The following ELOVL7 variants were observed in gnomAD, a reference collection of about 807,000 sequenced individuals.
ELOVL7 encodes the protein ELOVL fatty acid elongase 7.
A neutral mutation model predicts 35.7 loss-of-function variants in ELOVL7; 27 were observed. The ratio of observed to expected loss-of-function variants is 0.76; its 90% CI spans 0.56 to 1.04. ELOVL7 has a LOEUF of 1.04. ELOVL7 is among the 50% of genes least tolerant of loss of function. The pLI, the probability that ELOVL7 is intolerant of heterozygous loss-of-function variation, is 0.00. For missense variants in ELOVL7, 327 were observed against 340.8 expected (o/e 0.96, Z 0.32); for synonymous variants, 113 against 114.6 (o/e 0.99, Z 0.09).
chr5:60,797,731 A>G (rs1034721663), intron 2 of ELOVL7, among the ~76,000 whole-genome samples: 1 of 152,232 alleles, frequency 6.6e-6, no homozygotes, highest in African/African-American at 2.4e-5. Flanking sequence ...CTTTTGCTCC[A>G]GTCTGGTGCA....
intron 5 of ELOVL7, among the ~76,000 whole-genome samples, chr5:60,767,385 C>T (rs1456792289): frequency 2.6e-5 from 4 of 152,308 alleles, no homozygotes; most frequent in South Asian, 4.1e-4. Flanking sequence ...TAAGCCACTG[C>T]ACCTGGCCTT....
intron 1 of ELOVL7, among the ~76,000 whole-genome samples, chr5:60,830,291 AACAG>A (rs1746405355): frequency 6.6e-6 from 1 of 152,272 alleles, no homozygotes; most frequent in Non-Finnish European, 1.5e-5. Flanking sequence ...CAAGTAAACA[AACAG>A]ACAAACATAA....
At chr5:60,823,626 G>A (rs1229068459) in intron 1 of ELOVL7, among the ~76,000 whole-genome samples, 5 of 152,172 alleles carry the variant, frequency 3.3e-5, no homozygotes, top group African/African-American at 1.2e-4. Flanking sequence ...TTTATAAAAC[G>A]GAGTTAGGTA....
At chr5:60,812,235 T>A (rs565845188) in intron 1 of ELOVL7, among the ~76,000 whole-genome samples, 25 of 152,056 alleles carry the variant, frequency 1.6e-4, no homozygotes, top group Non-Finnish European at 2.8e-4. Context: ...ATAAATAAAT[T>A]AATTAAATAA....
chr5:60,757,617 T>C lies in ELOVL7; in HGVS notation c.528A>G (p.Leu176=), dbSNP rs570014111. 6.2e-7 allele frequency: 1 copy of C among 1,607,522 alleles called. No individual in the cohort carries two copies. The highest frequency in any genetic ancestry group is 1.3e-5 in the African/African-American group (1 of 74,992). ...ACATGACTACATGTACAGCTGTATTTAGAAGGGCATGGAATGTTCCCAAAC... is the reference window on the plus strand; with the variant it reads ...ACATGACTACATGTACAGCTGTATTCAGAAGGGCATGGAATGTTCCCAAAC... ...AGGLGTFHAL[L]NTAVHVVMYS... is the part of the protein sequence containing the mutation. Residue 176 remains leucine, a synonymous_variant, in exon 8 of 9, where the codon CTA becomes CTG. Transcript: ENST00000508821.
chr5:60,823,157 A>C (rs1347554409), intron 1 of ELOVL7, among the ~76,000 whole-genome samples: 1 of 152,130 alleles, frequency 6.6e-6, no homozygotes, highest in Non-Finnish European at 1.5e-5. Context: ...AGAAACAAGA[A>C]GGAACAACCC....
chr5:60,792,441 G>C (rs1743995249), intron 2 of ELOVL7, among the ~76,000 whole-genome samples: 1 of 152,184 alleles, frequency 6.6e-6, no homozygotes, highest in Admixed American at 6.5e-5. Context: ...GGACTGACTG[G>C]TTTAGAAAAC....
chr5:60,797,088 T>A (rs925434093), intron 2 of ELOVL7, among the ~76,000 whole-genome samples: 1 of 152,218 alleles, frequency 6.6e-6, no homozygotes, highest in African/African-American at 2.4e-5. Context: ...TGTCACTTAT[T>A]ATAACTCCAA....
At chr5:60,774,040 T>C (rs1157391087) in intron 3 of ELOVL7, among the ~76,000 whole-genome samples, 2 of 152,008 alleles carry the variant, frequency 1.3e-5, no homozygotes, top group Non-Finnish European at 2.9e-5. Context: ...GACTGAAGAG[T>C]AGGTGGTCAG....
chr5:60,815,255 A>C (rs1037942332), intron 1 of ELOVL7, among the ~76,000 whole-genome samples: 15 of 152,208 alleles, frequency 9.9e-5, no homozygotes, highest in Admixed American at 8.5e-4. Context: ...GTTTTTGTTC[A>C]CTTCCTCCTA....
At chr5:60,785,198 C>T (rs1870681) in intron 3 of ELOVL7, among the ~76,000 whole-genome samples, 31,712 of 152,038 alleles carry the variant, frequency 0.21, 3,901 homozygotes, top group Non-Finnish European at 0.28. Context: ...ACAAGTATTC[C>T]TTGCCTTCTC....
chr5:60,839,629 T>C (rs1448832057), intron 1 of ELOVL7, among the ~76,000 whole-genome samples: 2 of 152,252 alleles, frequency 1.3e-5, no homozygotes, highest in Admixed American at 1.3e-4. Flanking sequence ...ACGTGATGTA[T>C]CTTCTTGAAA....
chr5:60,825,368 C>G (rs1047802483), intron 1 of ELOVL7, among the ~76,000 whole-genome samples: 1 of 152,202 alleles, frequency 6.6e-6, no homozygotes, highest in African/African-American at 2.4e-5. Flanking sequence ...TGTCACCACT[C>G]CAACAACACG....
At chr5:60,837,262 G>A (rs936336916) in intron 1 of ELOVL7, among the ~76,000 whole-genome samples, 29 of 133,398 alleles carry the variant, frequency 2.2e-4, no homozygotes, top group Non-Finnish European at 3.0e-4. Context: ...GTGAAACCCC[G>A]TCTCTACTAA....
At chr5:60,801,516 A>T (rs1047360741) in intron 1 of ELOVL7, among the ~76,000 whole-genome samples, 4 of 152,020 alleles carry the variant, frequency 2.6e-5, no homozygotes, top group Admixed American at 6.6e-5. Flanking sequence ...AGCATGGGCA[A>T]CAAAGTGAGC....
intron 4 of ELOVL7, among the ~76,000 whole-genome samples, chr5:60,768,483 CA>C (rs1261311219): frequency 6.6e-6 from 1 of 152,080 alleles, no homozygotes; most frequent in Non-Finnish European, 1.5e-5. Flanking sequence ...TGTGGATTCA[CA>C]AGACAAGTAA....
At chr5:60,821,442 G>A (rs1224674628) in intron 1 of ELOVL7, among the ~76,000 whole-genome samples, 1 of 152,110 alleles carries the variant, frequency 6.6e-6, no homozygotes, top group Non-Finnish European at 1.5e-5. Context: ...CTCCAACTCA[G>A]CAAGCCCAAG....
intron 1 of ELOVL7, among the ~76,000 whole-genome samples, chr5:60,813,461 T>C (rs940050426): frequency 1.3e-5 from 2 of 152,126 alleles, no homozygotes; most frequent in Non-Finnish European, 2.9e-5. Flanking sequence ...CCTTTCCCTA[T>C]TCTAAATTAC....
At chr5:60,825,555 C>G (rs931272552) in intron 1 of ELOVL7, among the ~76,000 whole-genome samples, 6 of 152,202 alleles carry the variant, frequency 3.9e-5, no homozygotes, top group Non-Finnish European at 1.5e-5. Context: ...TTTGTGCACT[C>G]TTACCTCTCT....
Sources: allele counts gnomAD v4.1 joint callset (sites outside exome capture counted in the v4.1 genomes callset), GRCh38; gene constraint gnomAD v4.1.1; transcripts MANE v1.5; gene names NCBI Gene and HGNC (gene_info 2026-07-23, HGNC 2026-07-21).